DGKD: variants seen among roughly 807,000 people sequenced by gnomAD.
DGKD encodes DAG kinase delta.
In DGKD, 68 loss-of-function variants were observed where a neutral mutation model predicts 154.4. That is an observed-to-expected ratio of 0.44 (90% CI 0.36 to 0.54). DGKD has a LOEUF of 0.54. Among genes scored for constraint, DGKD ranks in the 20% least tolerant of loss-of-function variants. The pLI, the probability that DGKD is intolerant of heterozygous loss-of-function variation, is 0.00. For missense variants in DGKD, 1,343 were observed against 1,593.6 expected, an observed-to-expected ratio of 0.84 and a Z score of 2.68; for synonymous variants, 693 against 638.0, an observed-to-expected ratio of 1.09 and a Z score of -1.30.
chr2:233,388,309 C>G lies in DGKD; in HGVS notation c.209C>G (p.Ser70Ter). 1 of 1,613,898 alleles carries G rather than the reference C, an allele frequency of 6.2e-7. No individual in the cohort carries two copies. Among genetic ancestry groups the G allele is most frequent in the Non-Finnish European group, 8.5e-7 (1 of 1,179,942 alleles). ...LTKQNNSFQR[S>*]KRRYFKLRGR... ...AAACAGAACAATTCATTCCAGCGAT[C>G]AAAAAGGAGATACTTTAAGCTTCGA... Residue 70 changes from serine to a stop codon, truncating the protein, a stop_gained, in exon 2 of 30, where the codon TCA (serine) becomes TGA (stop). Transcript: ENST00000264057. LOFTEE classifies it high-confidence loss of function.
At chr2:233,466,433 C>T (rs2063824869) in intron 27 of DGKD, among the ~76,000 whole-genome samples, 1 of 152,038 alleles carries the variant, frequency 6.6e-6, no homozygotes, top group Non-Finnish European at 1.5e-5. Context: ...TTCAAGTCTA[C>T]TTGCTTGCTA....
rs369221227 is a variant in DGKD, at chr2:233,458,174, C to T, written c.2581-110C>T. ...CGTCAGGAGTGCAGTTACCTGGTAA[C>T]TTCTCGCCAGCTAGGAGGGGCTGAC... On this transcript the variant is annotated intron_variant, in intron 21 of 29. Coordinates refer to ENST00000264057, the MANE Select transcript of DGKD (RefSeq NM_152879.3). This position sits in a 1 kb window ranked among gnomAD's most constrained non-coding sequence, Gnocchi z 6.6. The T allele has an allele frequency of 3.1e-6, 2 of 638,540 alleles. No individual in the cohort carries two copies. Among genetic ancestry groups the T allele is most frequent in the Non-Finnish European group, 2.8e-6 (1 of 361,188 alleles). The allele number at this position is 638,540 out of a possible 1,614,324, so 39.6% of individuals were successfully genotyped here. A position where few individuals can be genotyped will look rare whatever the true frequency, so the allele number is the denominator to read the frequency against.
At chr2:233,386,188 A>T (rs1237608960) in intron 1 of DGKD, 8 of 336,626 alleles carry the variant, frequency 2.4e-5, no homozygotes, top group African/African-American at 1.8e-4. Context: ...TAGGGAAGAG[A>T]TGGAAGTGAT....
intron 3 of DGKD, among the ~76,000 whole-genome samples, chr2:233,433,168 T>C (rs1027146426): frequency 6.6e-6 from 1 of 152,358 alleles, no homozygotes; most frequent in Admixed American, 6.5e-5. Flanking sequence ...CTATTCACAA[T>C]AGCCAAGATT....
chr2:233,403,020 G>T (rs969186127), intron 3 of DGKD, among the ~76,000 whole-genome samples: 2 of 152,124 alleles, frequency 1.3e-5, no homozygotes, highest in Admixed American at 6.5e-5. Context: ...GCCTTGGGAG[G>T]GGAGGTAAGC....
At chr2:233,404,511 C>T in intron 3 of DGKD, among the ~76,000 whole-genome samples, 1 of 152,128 alleles carries the variant, frequency 6.6e-6, no homozygotes, top group East Asian at 1.9e-4. Flanking sequence ...GTTGAGAAGA[C>T]AAAACTTCCT....
Position 233,464,286 on chromosome 2 carries a change from A to G in DGKD, c.3306+3A>G, listed in dbSNP as rs931286133. On this transcript the variant is annotated splice_donor_region_variant and intron_variant, in intron 27 of 29. Coordinates refer to ENST00000264057, the MANE Select transcript of DGKD (RefSeq NM_152879.3). The stretch of plus-strand genomic sequence containing the variant: ...CCGCAGAGCCCGGCGACGAAGAGGT[A>G]TGTGGCTCATAGGGCTGTGCCTGGG... 4 of 1,613,362 alleles carry G rather than the reference A, an allele frequency of 2.5e-6. No individual in the cohort carries two copies. Among genetic ancestry groups the G allele is most frequent in the African/African-American group, 2.7e-5 (2 of 74,934 alleles).
chr2:233,410,046 T>G (rs2125510831), intron 3 of DGKD, among the ~76,000 whole-genome samples: 1 of 152,202 alleles, frequency 6.6e-6, no homozygotes, highest in South Asian at 2.1e-4. Context: ...TCCAGGCTGG[T>G]CAACATGATC....
At chr2:233,453,477 G>A (rs1260152554) in intron 18 of DGKD, among the ~76,000 whole-genome samples, 1 of 152,202 alleles carries the variant, frequency 6.6e-6, no homozygotes, top group Non-Finnish European at 1.5e-5. Context: ...GCTTTGCTCT[G>A]GCTCAGCTGT....
At chr2:233,436,289 C>T (rs1044320763) in intron 6 of DGKD, 27 bp from the exon 7 acceptor site, 2 of 1,613,840 alleles carry the variant, frequency 1.2e-6, no homozygotes, top group African/African-American at 2.7e-5. Flanking sequence ...GGGAGCGTCC[C>T]TAGTGCGTGC....
chr2:233,415,402 C>T (rs1397338590), intron 3 of DGKD, among the ~76,000 whole-genome samples: 2 of 152,218 alleles, frequency 1.3e-5, no homozygotes, highest in Non-Finnish European at 2.9e-5. Context: ...CCTGGAACCA[C>T]TCTCCCCGGT....
chr2:233,463,176 G>C (rs2063705652), intron 26 of DGKD, among the ~76,000 whole-genome samples: 1 of 152,138 alleles, frequency 6.6e-6, no homozygotes, highest in Admixed American at 6.5e-5. Flanking sequence ...TTTTAAAGAT[G>C]AGGAGGAAGG....
chr2:233,390,383 CT>C lies in DGKD; in HGVS notation c.268-19del. Reference sequence around the variant, plus strand: ...TACCTGTCTTTATGTGCCTTAGTCCCTGTGTTTGTCTCTTTCTAGTCAATCA... The same window carrying C: ...TACCTGTCTTTATGTGCCTTAGTCCCGTGTTTGTCTCTTTCTAGTCAATCA... On this transcript the variant is annotated intron_variant, in intron 2 of 29. Transcript: ENST00000264057. 1 of 1,608,754 alleles carries C rather than the reference CT, an allele frequency of 6.2e-7. No individual in the cohort carries two copies. Among genetic ancestry groups the C allele is most frequent in the Non-Finnish European group, 8.5e-7 (1 of 1,175,514 alleles).
At chr2:233,434,237 C>G in intron 3 of DGKD, 143 bp from the exon 4 acceptor site, 2 of 612,566 alleles carry the variant, frequency 3.3e-6, no homozygotes, top group South Asian at 4.7e-5. Flanking sequence ...TCCTTGATAA[C>G]CATTTTTGTT....
chr2:233,392,793 A>T (rs142882603), intron 3 of DGKD, among the ~76,000 whole-genome samples: 2 of 152,312 alleles, frequency 1.3e-5, no homozygotes, highest in African/African-American at 2.4e-5. Flanking sequence ...TTTTGAGTCC[A>T]CATCTGTAAT....
intron 3 of DGKD, among the ~76,000 whole-genome samples, chr2:233,429,755 C>T (rs910749082): frequency 3.3e-5 from 5 of 152,240 alleles, no homozygotes; most frequent in African/African-American, 9.6e-5. Context: ...ACGGCCCCTC[C>T]GGGCCTGCCT....
intron 3 of DGKD, among the ~76,000 whole-genome samples, chr2:233,432,967 A>G (rs1191393626): frequency 6.6e-6 from 1 of 152,256 alleles, no homozygotes; most frequent in Non-Finnish European, 1.5e-5. Flanking sequence ...GGATGTGGAG[A>G]AAAGGGAACC....
intron 3 of DGKD, among the ~76,000 whole-genome samples, chr2:233,431,044 T>C (rs933608751): frequency 6.6e-6 from 1 of 152,226 alleles, no homozygotes; most frequent in Non-Finnish European, 1.5e-5. Flanking sequence ...CAGATTATCC[T>C]TGTTTGCAGA....
intron 18 of DGKD, 49 bp from the exon 19 acceptor site, chr2:233,454,714 A>G (rs1356255038): frequency 2.6e-6 from 3 of 1,156,568 alleles, no homozygotes; most frequent in Admixed American, 3.7e-5. Context: ...GTCTGAAATA[A>G]GACTGCTCAG....
Sources: allele counts gnomAD v4.1 joint callset (sites outside exome capture counted in the v4.1 genomes callset), GRCh38; gene constraint gnomAD v4.1.1; non-coding constraint Gnocchi (gnomAD v3.1); transcripts MANE v1.5; gene names NCBI Gene and HGNC (gene_info 2026-07-23, HGNC 2026-07-21).